Variants in ADORA2B observed in about 807,000 individuals in gnomAD.
The protein encoded by ADORA2B is adenosine A2b receptor.
A neutral mutation model predicts 20.8 loss-of-function variants in ADORA2B; 18 were observed. The observed-to-expected ratio is 0.87, with a 90% CI of 0.60 to 1.29. ADORA2B has a LOEUF of 1.29. ADORA2B is among the 50% of genes most tolerant of loss of function. The probability of loss-of-function intolerance (pLI) is 0.00; values close to 1 mark genes in which losing one functional copy is unlikely to be tolerated. For missense variants in ADORA2B, 441 were observed against 422.7 expected (o/e 1.04, Z -0.38); for synonymous variants, 179 against 178.3 (o/e 1.00, Z -0.03).
At chr17:15,901,048 C>G in the ADORA2B span, among the ~76,000 whole-genome samples, 5 of 152,150 alleles carry the variant, frequency 3.3e-5, no homozygotes, top group Non-Finnish European at 5.9e-5. Context: ...GCATGCCCAC[C>G]GGGACAGCAG....
At chr17:15,960,332 A>T (rs1420868760) in intron 1 of ADORA2B, among the ~76,000 whole-genome samples, 9 of 17,760 alleles carry the variant, frequency 5.1e-4, no homozygotes, top group South Asian at 6.1e-3. Context: ...AGGCGGGCGG[A>T]TCACGAGGTC....
At chr17:15,903,000 TAAC>T in the ADORA2B span, among the ~76,000 whole-genome samples, 1 of 152,248 alleles carries the variant, frequency 6.6e-6, no homozygotes, top group Non-Finnish European at 1.5e-5. Flanking sequence ...TGCTTTATAA[TAAC>T]TCATTAAATT....
the ADORA2B span, among the ~76,000 whole-genome samples, chr17:15,915,356 T>G: frequency 1.3e-5 from 2 of 152,172 alleles, no homozygotes; most frequent in Non-Finnish European, 2.9e-5. Context: ...TATTGCAAGG[T>G]CTCTAACCTT....
At chr17:15,886,815 G>A in the ADORA2B span, among the ~76,000 whole-genome samples, 1 of 130,286 alleles carries the variant, frequency 7.7e-6, no homozygotes, top group East Asian at 2.1e-4. Context: ...AGAGCACAGA[G>A]AAGACCTGCT....
At chr17:15,940,298 C>A (rs1969732650), upstream of ADORA2B, among the ~76,000 whole-genome samples, 1 of 152,204 alleles carries the variant, frequency 6.6e-6, no homozygotes, top group Admixed American at 6.5e-5. Flanking sequence ...AAGACCTACC[C>A]AACAGTCGTT....
the ADORA2B span, among the ~76,000 whole-genome samples, chr17:15,891,278 ATAAAT>A: frequency 6.9e-6 from 1 of 144,498 alleles, no homozygotes; most frequent in Non-Finnish European, 1.5e-5. Flanking sequence ...AAATAGATAA[ATAAAT>A]AATAAATAAA....
the ADORA2B span, among the ~76,000 whole-genome samples, chr17:15,883,775 G>A: frequency 5.3e-5 from 8 of 152,208 alleles, no homozygotes; most frequent in Admixed American, 1.3e-4. Context: ...GTAGAGACGT[G>A]CTTAGGAGGA....
the ADORA2B span, among the ~76,000 whole-genome samples, chr17:15,938,723 G>T: frequency 2.9e-4 from 44 of 152,292 alleles, 1 homozygote; most frequent in Non-Finnish European, 5.7e-4. Context: ...GCCAGTAATG[G>T]TTATATAACA....
At chr17:15,904,324 C>T in the ADORA2B span, among the ~76,000 whole-genome samples, 20 of 150,298 alleles carry the variant, frequency 1.3e-4, no homozygotes, top group Non-Finnish European at 2.7e-4. Context: ...TCTGTAAAAA[C>T]TCATCACCAA....
At chr17:15,910,440 G>A in the ADORA2B span, among the ~76,000 whole-genome samples, 126 of 152,108 alleles carry the variant, frequency 8.3e-4, 1 homozygote, top group African/African-American at 3.0e-3. Context: ...TAGAATTACA[G>A]GCGTGTGCCA....
intron 1 of ADORA2B, among the ~76,000 whole-genome samples, chr17:15,966,117 T>C (rs1395976574): frequency 6.6e-6 from 1 of 152,238 alleles, no homozygotes; most frequent in African/African-American, 2.4e-5. Flanking sequence ...AATGTATATA[T>C]TGCTTTATAG....
the ADORA2B span, among the ~76,000 whole-genome samples, chr17:15,863,662 C>T: frequency 6.6e-6 from 1 of 152,146 alleles, no homozygotes; most frequent in African/African-American, 2.4e-5. Context: ...CCCGTCTCTA[C>T]CTTTTAAATG....
chr17:15,888,836 A>G, the ADORA2B span, among the ~76,000 whole-genome samples: 1 of 15,490 alleles, frequency 6.5e-5, no homozygotes, highest in East Asian at 1.1e-3. Context: ...ATATATATAT[A>G]TATATATATA....
the ADORA2B span, among the ~76,000 whole-genome samples, chr17:15,922,206 G>C: frequency 6.6e-6 from 1 of 152,164 alleles, no homozygotes; most frequent in Admixed American, 6.5e-5. Context: ...ACTGTTATCA[G>C]TATTTTGTGT....
the ADORA2B span, among the ~76,000 whole-genome samples, chr17:15,869,670 TGGGCACAA>T: frequency 2.0e-5 from 3 of 152,176 alleles, no homozygotes; most frequent in African/African-American, 7.2e-5. Context: ...CCTCTTGAGC[TGGGCACAA>T]TCCACAGTGC....
intron 1 of ADORA2B, chr17:15,974,403 C>A: frequency 2.5e-6 from 1 of 396,056 alleles, no homozygotes; most frequent in Non-Finnish European, 4.5e-6. Flanking sequence ...TTACAGTACT[C>A]CCTTAAGGCT....
chr17:15,868,628 A>AC, the ADORA2B span, among the ~76,000 whole-genome samples: 458 of 123,998 alleles, frequency 3.7e-3, 34 homozygotes, highest in African/African-American at 0.016. Flanking sequence ...AAAAAAAAAA[A>AC]AAATAGCTGG....
the ADORA2B span, among the ~76,000 whole-genome samples, chr17:15,910,942 C>G: frequency 1.3e-5 from 2 of 152,216 alleles, no homozygotes; most frequent in African/African-American, 2.4e-5. Context: ...TCAGAATCTT[C>G]AGGGCACCGT....
the ADORA2B span, among the ~76,000 whole-genome samples, chr17:15,875,902 A>C: frequency 6.6e-5 from 10 of 152,220 alleles, no homozygotes; most frequent in Non-Finnish European, 1.5e-4. Context: ...TTTTCTATGT[A>C]AATGTCACTA....
Sources: gnomAD v4.1 joint callset for allele counts (sites outside exome capture counted in the v4.1 genomes callset) on GRCh38, gnomAD v4.1.1 for gene constraint, MANE v1.5 for transcripts, NCBI Gene and HGNC (gene_info 2026-07-23, HGNC 2026-07-21) for gene names.